CTNNA2: variants seen among roughly 807,000 people sequenced by gnomAD.
The protein encoded by CTNNA2 is catenin alpha-2.
Under a neutral mutation model 101.0 loss-of-function variants are expected in CTNNA2, and 42 were observed. The observed-to-expected ratio is 0.42, with a 90% confidence interval of 0.32 to 0.54. The LOEUF (loss-of-function observed/expected upper bound fraction) is 0.54. Among genes scored for constraint, CTNNA2 ranks in the 20% least tolerant of loss-of-function variants. The probability of loss-of-function intolerance (pLI) is 0.14; values close to 1 mark genes in which losing one functional copy is unlikely to be tolerated. For missense variants in CTNNA2, 871 were observed against 1,223.1 expected, an observed-to-expected ratio of 0.71 and a Z score of 4.29; for synonymous variants, 450 against 456.4, an observed-to-expected ratio of 0.99 and a Z score of 0.18.
Position 79,762,723 on chromosome 2 carries a change from TC to T in CTNNA2, c.298+18142del, listed in dbSNP as rs1672878977. On this transcript the variant is annotated intron_variant, in intron 3 of 18. Transcript: ENST00000402739. ...ATATAATCAATTAAAAAATCAAGAATCTTTGTATTCTGCTCTTTCATGTTCA... is the reference window on the plus strand; with the variant it reads ...ATATAATCAATTAAAAAATCAAGAATTTTGTATTCTGCTCTTTCATGTTCA... 2.0e-5 allele frequency among the ~76,000 whole-genome samples: 3 copies of T among 152,296 alleles called. No homozygotes were observed. The South Asian group carries it at 6.2e-4, about 32-fold the overall frequency.
chr2:79,643,151 G>A (rs1213387288), intron 1 of CTNNA2, among the ~76,000 whole-genome samples: 3 of 151,870 alleles, frequency 2.0e-5, no homozygotes, highest in East Asian at 3.9e-4. Context: ...AGATCGTGCC[G>A]CTTCACTCCA....
chr2:79,340,833 C>CAAAAAAAAAAAA (rs56276462), intron 3 of CTNNA2, among the ~76,000 whole-genome samples: 68 of 32,258 alleles, frequency 2.1e-3, no homozygotes, highest in South Asian at 3.7e-3. Context: ...GACTCAGTCT[C>CAAAAAAAAAAAA]AAAAAAAAAA....
At chr2:79,992,153 G>A (rs902110237) in intron 7 of CTNNA2, among the ~76,000 whole-genome samples, 1 of 152,072 alleles carries the variant, frequency 6.6e-6, no homozygotes, top group Non-Finnish European at 1.5e-5. Flanking sequence ...AATATTAAAG[G>A]CAAACCTTGA....
chr2:80,097,117 T>C (rs531045241), intron 7 of CTNNA2, among the ~76,000 whole-genome samples: 62 of 152,318 alleles, frequency 4.1e-4, no homozygotes, highest in African/African-American at 1.5e-3. Flanking sequence ...GTCTTTACAA[T>C]TTGGCATGTT....
At chr2:80,277,319 A>C (rs945079235) in intron 7 of CTNNA2, among the ~76,000 whole-genome samples, 1 of 152,114 alleles carries the variant, frequency 6.6e-6, no homozygotes, top group East Asian at 1.9e-4. Flanking sequence ...GTCTCATTAC[A>C]TAGGCAGGAT....
At chr2:79,698,118 G>A (rs1198394844) in intron 2 of CTNNA2, among the ~76,000 whole-genome samples, 1 of 151,990 alleles carries the variant, frequency 6.6e-6, no homozygotes, top group Non-Finnish European at 1.5e-5. Flanking sequence ...ATATATGTAA[G>A]CTTCGGATGA....
At chr2:79,903,011 T>C (rs117098135) in intron 6 of CTNNA2, among the ~76,000 whole-genome samples, 2,176 of 152,280 alleles carry the variant, frequency 0.014, 152 homozygotes, top group Admixed American at 0.11. Flanking sequence ...CCCTCTAACA[T>C]TGCAGTGTAA....
chr2:79,419,159 G>T (rs973013494), intron 4 of CTNNA2, among the ~76,000 whole-genome samples: 5 of 152,032 alleles, frequency 3.3e-5, no homozygotes, highest in Non-Finnish European at 7.4e-5. Context: ...ATTCTTACTT[G>T]TTTGTGTTAC....
At chr2:79,282,407 C>T (rs1675415904) in intron 2 of CTNNA2, among the ~76,000 whole-genome samples, 1 of 152,026 alleles carries the variant, frequency 6.6e-6, no homozygotes, top group Non-Finnish European at 1.5e-5. Flanking sequence ...TCCCTCCCCG[C>T]TCCCCCCACC....
chr2:79,436,656 G>A (rs1273675803), intron 4 of CTNNA2, among the ~76,000 whole-genome samples: 2 of 150,560 alleles, frequency 1.3e-5, no homozygotes, highest in Non-Finnish European at 3.0e-5. Flanking sequence ...TTTTGAGGCA[G>A]AGTCTTGCTC....
At chr2:79,829,845 G>A (rs112692190) in intron 3 of CTNNA2, among the ~76,000 whole-genome samples, 1 of 151,716 alleles carries the variant, frequency 6.6e-6, no homozygotes, top group Non-Finnish European at 1.5e-5. Flanking sequence ...TCAGCCTCCC[G>A]AGTAGCTGGG....
At chr2:80,197,869 A>G (rs1253045899) in intron 7 of CTNNA2, among the ~76,000 whole-genome samples, 1 of 152,120 alleles carries the variant, frequency 6.6e-6, no homozygotes, top group African/African-American at 2.4e-5. Flanking sequence ...AGCATTCCCT[A>G]CTTGAGTGGT....
chr2:79,572,612 C>T (rs1289389935), intron 1 of CTNNA2, among the ~76,000 whole-genome samples: 17 of 152,280 alleles, frequency 1.1e-4, no homozygotes, highest in South Asian at 2.1e-4. Context: ...ATTAGCCATG[C>T]GTGGTGGCCC....
intron 4 of CTNNA2, among the ~76,000 whole-genome samples, chr2:79,468,849 A>T (rs1305675024): frequency 2.0e-5 from 3 of 152,212 alleles, no homozygotes; most frequent in African/African-American, 7.2e-5. Context: ...AAGACACAAC[A>T]TACCAGAATC....
chr2:79,770,695 CAA>C (rs1006481272), intron 3 of CTNNA2, among the ~76,000 whole-genome samples: 32 of 152,038 alleles, frequency 2.1e-4, no homozygotes, highest in African/African-American at 6.8e-4. Context: ...TTCTGATTAC[CAA>C]GAGAGATATA....
chr2:80,318,000 C>T (rs968680972), intron 7 of CTNNA2, among the ~76,000 whole-genome samples: 2 of 152,028 alleles, frequency 1.3e-5, no homozygotes, highest in African/African-American at 2.4e-5. Flanking sequence ...TAAATTTCCA[C>T]CTTCTTTCTA....
At chr2:80,586,457 C>T in intron 14 of CTNNA2, 1 of 152,010 alleles carries the variant, frequency 6.6e-6, no homozygotes, top group East Asian at 1.9e-4. Flanking sequence ...TGGTTTAGGA[C>T]CTGTGAGGTC....
intron 2 of CTNNA2, among the ~76,000 whole-genome samples, chr2:79,670,831 T>C (rs1248909089): frequency 1.3e-5 from 2 of 152,182 alleles, no homozygotes; most frequent in African/African-American, 4.8e-5. Flanking sequence ...TGGAGGTTTA[T>C]TTCGATTTCA....
At chr2:79,629,719 G>C (rs913357328) in intron 1 of CTNNA2, among the ~76,000 whole-genome samples, 1 of 152,182 alleles carries the variant, frequency 6.6e-6, no homozygotes, top group Non-Finnish European at 1.5e-5. Flanking sequence ...AGATGGGAGA[G>C]GGAGGAAAGG....
Sources: gnomAD v4.1 joint callset for allele counts (sites outside exome capture counted in the v4.1 genomes callset) on GRCh38, gnomAD v4.1.1 for gene constraint, MANE v1.5 for transcripts, NCBI Gene and HGNC (gene_info 2026-07-23, HGNC 2026-07-21) for gene names.